Variants in ZFHX3 observed in about 807,000 individuals in gnomAD.
ZFHX3 encodes the protein zinc finger homeobox 3.
In ZFHX3, 42 loss-of-function variants were observed where a neutral mutation model predicts 279.1. The ratio of observed to expected loss-of-function variants is 0.15; its 90% CI spans 0.12 to 0.19. ZFHX3 has a LOEUF of 0.19. Among genes scored for constraint, ZFHX3 ranks in the 10% least tolerant of loss-of-function variants. The pLI, the probability that ZFHX3 is intolerant of heterozygous loss-of-function variation, is 1.00. For synonymous variants in ZFHX3, 2,293 were observed against 1,957.8 expected (o/e 1.17, Z -4.52); for missense variants, 4,981 against 4,754.0 (o/e 1.05, Z -1.40).
chr16:73,111,027 G>A (rs765099148), intron 7 of ZFHX3, among the ~76,000 whole-genome samples: 10 of 151,892 alleles, frequency 6.6e-5, no homozygotes, highest in Non-Finnish European at 1.5e-4. Context: ...TGCAACCTCC[G>A]GCTCCTGAGT....
chr16:73,067,020 G>C (rs1451378222), intron 8 of ZFHX3, among the ~76,000 whole-genome samples: 1 of 152,048 alleles, frequency 6.6e-6, no homozygotes, highest in Admixed American at 6.5e-5. Context: ...TCAGCCCCAG[G>C]TGCAAGAGCT....
chr16:73,622,094 G>A (rs1237644529), intron 2 of ZFHX3, among the ~76,000 whole-genome samples: 3 of 152,104 alleles, frequency 2.0e-5, no homozygotes. Context: ...CCTTCAACAG[G>A]ACTTTACAAT....
At chr16:73,191,245 A>T (rs1968024661) in intron 5 of ZFHX3, among the ~76,000 whole-genome samples, 1 of 152,076 alleles carries the variant, frequency 6.6e-6, no homozygotes. Context: ...GTGGTAAGTA[A>T]TCTCTCTGGG....
At chr16:73,013,144 A>G (rs1963972714) in intron 1 of ZFHX3, among the ~76,000 whole-genome samples, 1 of 152,174 alleles carries the variant, frequency 6.6e-6, no homozygotes, top group African/African-American at 2.4e-5. Context: ...GGAGGCCACC[A>G]TCCTGAACAC....
intron 3 of ZFHX3, among the ~76,000 whole-genome samples, chr16:73,370,694 C>T (rs535034617): frequency 3.3e-5 from 5 of 152,314 alleles, no homozygotes; most frequent in African/African-American, 7.2e-5. Context: ...TCTATCCCCA[C>T]GGTGCCATGC....
intron 1 of ZFHX3, among the ~76,000 whole-genome samples, chr16:73,784,501 C>A (rs1163681934): frequency 6.6e-6 from 1 of 152,056 alleles, no homozygotes; most frequent in African/African-American, 2.4e-5. Context: ...GTAATCCCAG[C>A]ACTTTGGGAG....
intron 5 of ZFHX3, among the ~76,000 whole-genome samples, chr16:73,184,074 GCTTTTGGTCTACTGCGT>G (rs1347345840): frequency 6.6e-6 from 1 of 152,060 alleles, no homozygotes; most frequent in African/African-American, 2.4e-5. Context: ...AGCACCCCAG[GCTTTTGGTCTACTGCGT>G]CTTTTCTCTC....
At chr16:73,022,441 C>T (rs1964333616) in intron 1 of ZFHX3, among the ~76,000 whole-genome samples, 1 of 152,136 alleles carries the variant, frequency 6.6e-6, no homozygotes, top group Non-Finnish European at 1.5e-5. Context: ...GGCAGCACCA[C>T]TGATATTCAG....
intron 5 of ZFHX3, among the ~76,000 whole-genome samples, chr16:73,147,691 CAAAAAAAAAAAAAAAA>C (rs56079754): frequency 2.4e-5 from 1 of 40,886 alleles, no homozygotes; most frequent in African/African-American, 1.1e-4. Context: ...GACTCCGTCT[CAAAAAAAAAAAAAAAA>C]AAAAAAAAAA....
chr16:73,198,868 A>G (rs2144896817), intron 5 of ZFHX3, among the ~76,000 whole-genome samples: 1 of 152,338 alleles, frequency 6.6e-6, no homozygotes, highest in Non-Finnish European at 1.5e-5. Flanking sequence ...CAAATACTTC[A>G]GACTCTCCTT....
intron 1 of ZFHX3, among the ~76,000 whole-genome samples, chr16:73,746,151 C>A (rs767849486): frequency 2.0e-5 from 3 of 152,042 alleles, no homozygotes; most frequent in Non-Finnish European, 4.4e-5. Flanking sequence ...CCAAATCAAG[C>A]ATATCATTTG....
intron 4 of ZFHX3, among the ~76,000 whole-genome samples, chr16:72,865,021 G>C (rs1217426282): frequency 6.6e-6 from 1 of 152,172 alleles, no homozygotes; most frequent in African/African-American, 2.4e-5. Flanking sequence ...TACCAATGAG[G>C]CTATTTTAAA....
chr16:73,236,158 C>T (rs1172650278), intron 5 of ZFHX3, among the ~76,000 whole-genome samples: 1 of 152,124 alleles, frequency 6.6e-6, no homozygotes, highest in Admixed American at 6.5e-5. Context: ...CGGCATACGT[C>T]AAGGGAGTAT....
At position 72,788,641 on chromosome 16, in the gene ZFHX3, G is replaced by A. The variant is rs142960496; in HGVS notation, c.9635C>T (p.Pro3212Leu). The change falls in exon 10 of 10, where the codon CCG becomes CTG. Residue 3212 changes from proline to leucine, a missense_variant. By Grantham distance (98) the Pro-to-Leu change is moderately conservative. Around this residue, in one of 7 missense-constraint regions of ZFHX3, gnomAD observed 1,034 missense variants for 786.0 expected, o/e 1.32. Coordinates refer to ENST00000268489, the MANE Select transcript of ZFHX3 (RefSeq NM_006885.4). ...QQQPQVQQPP[P>L]PPAAQPPPTP... ...GGGTGGCGGCTGGGCTGCTGGCGGCGGGGGAGGCTGCTGCACCTGTGGTTG... is the reference window on the plus strand; with the variant it reads ...GGGTGGCGGCTGGGCTGCTGGCGGCAGGGGAGGCTGCTGCACCTGTGGTTG... The A allele has an allele frequency of 1.5e-4, 248 of 1,613,314 alleles. No homozygotes were observed. The highest frequency in any genetic ancestry group is 7.9e-4 in the East Asian group (35 of 44,576).
intron 1 of ZFHX3, among the ~76,000 whole-genome samples, chr16:72,968,850 A>G (rs931728187): frequency 2.6e-5 from 4 of 152,184 alleles, no homozygotes; most frequent in African/African-American, 9.7e-5. Flanking sequence ...TTAGAGGTGA[A>G]GGGGCACAAT....
intron 2 of ZFHX3, among the ~76,000 whole-genome samples, chr16:73,533,091 G>T (rs528043773): frequency 2.0e-5 from 3 of 152,022 alleles, no homozygotes; most frequent in Non-Finnish European, 2.9e-5. Context: ...TCTCAAATGC[G>T]CTGTTACGCT....
intron 1 of ZFHX3, among the ~76,000 whole-genome samples, chr16:73,833,656 T>C (rs565865995): frequency 6.6e-6 from 1 of 151,930 alleles, no homozygotes; most frequent in African/African-American, 2.4e-5. Context: ...CTAATGTAGA[T>C]GATGGGTTGA....
Position 73,019,610 on chromosome 16 carries a change from C to T in ZFHX3, c.-50+28142G>A, listed in dbSNP as rs150600225. Among the ~76,000 whole-genome samples, 564 of 152,352 alleles carry T rather than the reference C, an allele frequency of 3.7e-3. 14 individuals are homozygous for T. The highest frequency in any genetic ancestry group is 0.033 in the Admixed American group (503 of 15,306). ...GACCCCGCTCTGCTATCCCCACCTT[C>T]ACCCTGAGATGCACAGACTGTCTGC... On this transcript the variant is annotated intron_variant, in intron 1 of 9. Coordinates refer to ENST00000268489, the MANE Select transcript of ZFHX3 (RefSeq NM_006885.4).
At chr16:73,366,543 G>GC (rs1484173721) in intron 3 of ZFHX3, among the ~76,000 whole-genome samples, 3 of 149,272 alleles carry the variant, frequency 2.0e-5, no homozygotes, top group African/African-American at 7.5e-5. Context: ...ACCAGCCTTG[G>GC]CAATGTAGTG....
Sources: gnomAD v4.1 joint callset for allele counts (sites outside exome capture counted in the v4.1 genomes callset) on GRCh38, gnomAD v4.1.1 for gene constraint, gnomAD v4.1.1 regional missense constraint, MANE v1.5 for transcripts, NCBI Gene and HGNC (gene_info 2026-07-23, HGNC 2026-07-21) for gene names.